The following WDR70 variants were observed in gnomAD, a reference collection of about 807,000 sequenced individuals.
WDR70 encodes the protein WD repeat-containing protein 70.
In WDR70, 53 loss-of-function variants were observed where a neutral mutation model predicts 88.6. The ratio of observed to expected loss-of-function variants is 0.60; its 90% CI spans 0.48 to 0.75. The LOEUF (loss-of-function observed/expected upper bound fraction) is 0.75, where lower values mean the gene tolerates loss of function less well. WDR70 is among the 30% of genes least tolerant of loss of function. WDR70 has a pLI of 0.00. For synonymous variants in WDR70, 280 were observed against 270.0 expected, an observed-to-expected ratio of 1.04 and a Z score of -0.36; for missense variants, 610 against 823.2, an observed-to-expected ratio of 0.74 and a Z score of 3.17.
chr5:37,644,774 T>C (rs555857399), intron 10 of WDR70, among the ~76,000 whole-genome samples: 2 of 152,158 alleles, frequency 1.3e-5, no homozygotes, highest in East Asian at 3.9e-4. Flanking sequence ...TTGCTCATAA[T>C]AGCTGCTAAT....
chr5:37,448,062 T>C (rs1478375520), intron 7 of WDR70, among the ~76,000 whole-genome samples: 3 of 152,228 alleles, frequency 2.0e-5, no homozygotes, highest in African/African-American at 7.2e-5. Context: ...CATTTTTAGC[T>C]TAAGGGCTGG....
chr5:37,430,394 T>G (rs1412564481), intron 5 of WDR70, among the ~76,000 whole-genome samples: 2 of 152,190 alleles, frequency 1.3e-5, no homozygotes, highest in Non-Finnish European at 2.9e-5. Context: ...GCACTGGGTG[T>G]CAATTAATTC....
At chr5:37,437,528 G>T (rs369454084) in intron 5 of WDR70, among the ~76,000 whole-genome samples, 77 of 151,888 alleles carry the variant, frequency 5.1e-4, no homozygotes, top group African/African-American at 1.7e-3. Flanking sequence ...CAACCTTTTC[G>T]CTCCTCTTGA....
At chr5:37,729,982 AGTATCTTCTTACAT>A in intron 17 of WDR70, among the ~76,000 whole-genome samples, 1 of 152,220 alleles carries the variant, frequency 6.6e-6, no homozygotes, top group Admixed American at 6.5e-5. Context: ...CAGATACGTA[AGTATCTTCTTACAT>A]CCCCGTATTT....
intron 9 of WDR70, among the ~76,000 whole-genome samples, chr5:37,532,044 T>G (rs1327485063): frequency 6.6e-6 from 1 of 152,232 alleles, no homozygotes; most frequent in Non-Finnish European, 1.5e-5. Context: ...TACAAAATTC[T>G]TAGCTGAAAA....
At chr5:37,718,142 T>C (rs886363418) in intron 13 of WDR70, among the ~76,000 whole-genome samples, 6 of 152,184 alleles carry the variant, frequency 3.9e-5, no homozygotes, top group South Asian at 2.1e-4. Context: ...TAAGAACATA[T>C]ACTAATCAGC....
rs937014318 is a variant in WDR70, at chr5:37,605,044, A to C, written c.918-20A>C. 5 of 1,554,942 alleles carry C rather than the reference A, an allele frequency of 3.2e-6. No homozygotes were observed. Among genetic ancestry groups the C allele is most frequent in the Non-Finnish European group, 2.6e-6 (3 of 1,153,690 alleles). On this transcript the variant is annotated intron_variant, in intron 9 of 17. Coordinates refer to ENST00000265107, the MANE Select transcript of WDR70 (RefSeq NM_018034.4). ...TCTTTTTTTTTTTAAATAAATGAAA[A>C]ATCTCCTGATCATTTTTAGGACTGT...
intron 3 of WDR70, among the ~76,000 whole-genome samples, chr5:37,390,921 G>A (rs1378790517): frequency 6.6e-6 from 1 of 151,016 alleles, no homozygotes; most frequent in Non-Finnish European, 1.5e-5. Flanking sequence ...TCTCCATGTT[G>A]GTCAGGCTGG....
In WDR70 at chr5:37,464,952, A is replaced by G. The variant is rs181532082; in HGVS notation, c.687-14882A>G. 3.0e-3 allele frequency among the ~76,000 whole-genome samples: 457 copies of G among 152,334 alleles called. 5 individuals are homozygous for G. Among genetic ancestry groups the G allele is most frequent in the Non-Finnish European group, 3.0e-3 (205 of 68,024 alleles). Reference sequence around the variant, plus strand: ...AAAGGAAAAATGTTTAAAGGGTCCAAGTTCATTTCTGCAGAGTAGACAGGA... The same window carrying G: ...AAAGGAAAAATGTTTAAAGGGTCCAGGTTCATTTCTGCAGAGTAGACAGGA... On this transcript the variant is annotated intron_variant, in intron 7 of 17. Transcript: ENST00000265107.
chr5:37,627,404 AGG>A, intron 10 of WDR70, among the ~76,000 whole-genome samples: 1 of 152,250 alleles, frequency 6.6e-6, no homozygotes, highest in Middle Eastern at 3.4e-3. Context: ...CTACCATGCC[AGG>A]CCTCAGTCTC....
At chr5:37,677,229 T>C (rs1371477424) in intron 10 of WDR70, among the ~76,000 whole-genome samples, 1 of 152,102 alleles carries the variant, frequency 6.6e-6, no homozygotes, top group Admixed American at 6.5e-5. Context: ...TGTGTCTCTA[T>C]TTCCTTCAGT....
chr5:37,475,686 T>C (rs1373677704), intron 7 of WDR70, among the ~76,000 whole-genome samples: 1 of 152,218 alleles, frequency 6.6e-6, no homozygotes, highest in Non-Finnish European at 1.5e-5. Flanking sequence ...AGAAGTTTTC[T>C]ATCCATCCTG....
chr5:37,644,631 T>C (rs1394717146), intron 10 of WDR70, among the ~76,000 whole-genome samples: 1 of 152,024 alleles, frequency 6.6e-6, no homozygotes, highest in Non-Finnish European at 1.5e-5. Context: ...GCTGGGAAAC[T>C]TTATTATGGC....
At chr5:37,438,735 C>A (rs541196503) in intron 6 of WDR70, among the ~76,000 whole-genome samples, 17 of 152,104 alleles carry the variant, frequency 1.1e-4, no homozygotes, top group Admixed American at 5.9e-4. Context: ...GTCATTCTTA[C>A]AGTTTTTCTT....
intron 3 of WDR70, among the ~76,000 whole-genome samples, chr5:37,390,695 G>A (rs1411986876): frequency 6.7e-6 from 1 of 150,358 alleles, no homozygotes; most frequent in African/African-American, 2.5e-5. Context: ...TTCTAGTGTA[G>A]GAAATTCAGA....
At chr5:37,427,525 T>C (rs1022970836) in intron 5 of WDR70, among the ~76,000 whole-genome samples, 4 of 152,122 alleles carry the variant, frequency 2.6e-5, no homozygotes, top group Admixed American at 2.6e-4. Context: ...CTTGCACACA[T>C]ACATTTCTCT....
intron 10 of WDR70, among the ~76,000 whole-genome samples, chr5:37,662,553 T>C (rs1019367900): frequency 1.3e-5 from 2 of 152,204 alleles, no homozygotes; most frequent in Non-Finnish European, 2.9e-5. Context: ...ATTAAGACAG[T>C]TTGTTTCGTC....
intron 8 of WDR70, among the ~76,000 whole-genome samples, chr5:37,499,790 C>T (rs573895616): frequency 1.6e-4 from 24 of 151,438 alleles, no homozygotes; most frequent in African/African-American, 4.8e-4. Context: ...TGGGCTCAAG[C>T]GATCCACCTG....
At chr5:37,593,720 G>A (rs1218811489) in intron 9 of WDR70, among the ~76,000 whole-genome samples, 6 of 152,208 alleles carry the variant, frequency 3.9e-5, no homozygotes, top group East Asian at 3.9e-4. Flanking sequence ...TTGAGGAATC[G>A]CCACACTGTC....
Sources: gnomAD v4.1 joint callset for allele counts (sites outside exome capture counted in the v4.1 genomes callset) on GRCh38, gnomAD v4.1.1 for gene constraint, MANE v1.5 for transcripts, NCBI Gene and HGNC (gene_info 2026-07-23, HGNC 2026-07-21) for gene names.